The following ARHGEF7 variants were observed in gnomAD, a reference collection of about 807,000 sequenced individuals.
ARHGEF7 encodes the protein PAK-interacting exchange factor beta.
ARHGEF7 carries 33 observed loss-of-function variants against 109.8 expected under a neutral mutation model. The observed-to-expected ratio is 0.30, with a 90% confidence interval of 0.23 to 0.40. The LOEUF (loss-of-function observed/expected upper bound fraction) is 0.40. ARHGEF7 is among the 10% of genes least tolerant of loss of function. The pLI is 1.00. For synonymous variants in ARHGEF7, 458 were observed against 424.6 expected (o/e 1.08, Z -0.97); for missense variants, 938 against 1,098.5 (o/e 0.85, Z 2.07).
At chr13:111,187,059 A>G (rs1226038519) in intron 2 of ARHGEF7, 24 of 977,628 alleles carry the variant, frequency 2.5e-5, no homozygotes, top group Non-Finnish European at 2.2e-5. Context: ...GTGGTGTGAA[A>G]GCAGTTGGGC....
In ARHGEF7 at chr13:111,115,472, G is replaced by A; in HGVS notation, c.-55G>A. ...GGCGGCGGGGGCCGCGGGCCGGGCCGCCGCTCCGAGGTGAAGGCGCGCGCC... is the reference window on the plus strand; with the variant it reads ...GGCGGCGGGGGCCGCGGGCCGGGCCACCGCTCCGAGGTGAAGGCGCGCGCC... On this transcript the variant is annotated 5_prime_UTR_variant, in exon 1 of 22. Transcript: ENST00000646102. The A allele has an allele frequency of 2.9e-6, 3 of 1,039,648 alleles. No homozygotes were observed. Among genetic ancestry groups the A allele is most frequent in the South Asian group, 3.8e-5 (1 of 26,296 alleles). The allele number at this position is 1,039,648 out of a possible 1,614,324, so 64.4% of individuals were successfully genotyped here.
At chr13:111,117,268 C>T (rs1369143119) in intron 1 of ARHGEF7, among the ~76,000 whole-genome samples, 1 of 152,218 alleles carries the variant, frequency 6.6e-6, no homozygotes, top group Admixed American at 6.5e-5. Context: ...CTTCAATAAT[C>T]ATTTTCTTTT....
chr13:111,185,826 A>G (rs1421204477), intron 2 of ARHGEF7, among the ~76,000 whole-genome samples: 1 of 152,058 alleles, frequency 6.6e-6, no homozygotes. Context: ...ATCTGCCTGC[A>G]TGACCGCTGT....
At chr13:111,251,895 C>T (rs1644533494) in intron 8 of ARHGEF7, among the ~76,000 whole-genome samples, 1 of 152,128 alleles carries the variant, frequency 6.6e-6, no homozygotes, top group African/African-American at 2.4e-5. Context: ...TTTGTTTTTC[C>T]CCCAGAATGA....
rs905255560 is a variant in ARHGEF7 at position 111,255,211 on chromosome 13, C to T, written c.950+10917C>T. On this transcript the variant is annotated intron_variant, in intron 8 of 21. Coordinates refer to ENST00000646102, the MANE Select transcript of ARHGEF7 (RefSeq NM_001354046.2). This position sits in a 1 kb window ranked among gnomAD's most constrained non-coding sequence, Gnocchi z 4.1. ...TGAAGGCCGGGCTCAGAAGAGGATT[C>T]GGGCTAAGGCGCTGAGTTCCGTTTG... Among the ~76,000 whole-genome samples the T allele has an allele frequency of 2.6e-5, 4 of 152,160 alleles. No homozygotes were observed. The highest frequency in any genetic ancestry group is 5.9e-5 in the Non-Finnish European group (4 of 68,028).
intron 1 of ARHGEF7, chr13:111,116,453 A>C (rs1410637486): frequency 6.6e-6 from 1 of 152,368 alleles, no homozygotes; most frequent in African/African-American, 2.4e-5. Context: ...GTTTGTTTTC[A>C]TCGCCCACAA....
intron 19 of ARHGEF7, chr13:111,293,453 A>G: frequency 1.0e-6 from 1 of 983,594 alleles, no homozygotes; most frequent in South Asian, 4.7e-5. Context: ...AAAAAAAAAA[A>G]ACTCACCCGT....
rs1438264611 is a variant in ARHGEF7, at chr13:111,304,879, T to C, written c.*1766T>C. ...TTTCTTTTTTGGTAAGCTTGAGTTT[T>C]ACAAGTTATTTTTTGGTGATGCGTA... On this transcript the variant is annotated 3_prime_UTR_variant, in exon 22 of 22. Transcript: ENST00000646102. The C allele has an allele frequency of 6.6e-6, 1 of 152,284 alleles. No homozygotes were observed. The highest frequency in any genetic ancestry group is 2.4e-5 in the African/African-American group (1 of 41,476). The allele number at this position is 152,284 out of a possible 1,614,324, so 9.4% of individuals were successfully genotyped here.
intron 2 of ARHGEF7, among the ~76,000 whole-genome samples, chr13:111,202,142 TC>T (rs1404668253): frequency 6.6e-6 from 1 of 152,204 alleles, no homozygotes; most frequent in Admixed American, 6.5e-5. Context: ...AATGGATAGA[TC>T]CTAAAGCGTA....
chr13:111,240,083 G>A (rs1301047169), intron 6 of ARHGEF7, among the ~76,000 whole-genome samples: 1 of 152,256 alleles, frequency 6.6e-6, no homozygotes, highest in Admixed American at 6.5e-5. Flanking sequence ...GAAACAGACC[G>A]ATAGACTTGT....
At chr13:111,280,196 A>G in intron 13 of ARHGEF7, 76 bp from the exon 14 acceptor site, 2 of 1,410,416 alleles carry the variant, frequency 1.4e-6, no homozygotes, top group South Asian at 2.6e-5. Flanking sequence ...ATCATTTAAT[A>G]TTGACTTTAA....
chr13:111,261,613 ATACT>A (rs1337034596), intron 8 of ARHGEF7, among the ~76,000 whole-genome samples: 10 of 152,242 alleles, frequency 6.6e-5, no homozygotes, highest in Non-Finnish European at 8.8e-5. Context: ...CAATCTAAAG[ATACT>A]TACAGAACAT....
chr13:111,286,318 G>A, intron 17 of ARHGEF7, 78 bp downstream of exon 17: 6 of 1,196,782 alleles, frequency 5.0e-6, no homozygotes, highest in South Asian at 1.2e-5. Flanking sequence ...GATAGAGGGA[G>A]GCTTGGTGGC....
intron 1 of ARHGEF7, among the ~76,000 whole-genome samples, chr13:111,135,837 A>G (rs1339618460): frequency 6.6e-6 from 1 of 152,152 alleles, no homozygotes; most frequent in African/African-American, 2.4e-5. Context: ...ACTGTGTTGA[A>G]TAGGAGTGGT....
intron 2 of ARHGEF7, among the ~76,000 whole-genome samples, chr13:111,202,063 T>C (rs928146420): frequency 6.6e-6 from 1 of 152,214 alleles, no homozygotes; most frequent in African/African-American, 2.4e-5. Context: ...GAGTATCGGA[T>C]CATTCTATTG....
In ARHGEF7 at chr13:111,255,614, A is replaced by C. The variant is rs1170375266; in HGVS notation, c.950+11320A>C. ...TTATAACTTCAGTTGTGAAAATGTA[A>C]CTTCGCACTGGCTTTGGAGGGCCCT... On this transcript the variant is annotated intron_variant, in intron 8 of 21. Transcript: ENST00000646102. This position sits in a 1 kb window ranked among gnomAD's most constrained non-coding sequence, Gnocchi z 4.1. Among the ~76,000 whole-genome samples, 1 of 152,196 alleles carries C rather than the reference A, an allele frequency of 6.6e-6. No individual in the cohort carries two copies.
chr13:111,288,525 G>C, intron 18 of ARHGEF7, 82 bp downstream of exon 18: 1 of 1,143,370 alleles, frequency 8.7e-7, no homozygotes, highest in Non-Finnish European at 1.3e-6. Context: ...ACCTGTTGTG[G>C]TAGGCCCCTT....
rs1001559208 is a variant in ARHGEF7, at chr13:111,239,008, G to A, written c.760-4864G>A. Among the ~76,000 whole-genome samples, 13 of 152,176 alleles carry A rather than the reference G, an allele frequency of 8.5e-5. No individual in the cohort carries two copies. The highest frequency in any genetic ancestry group is 2.7e-4 in the African/African-American group (11 of 41,440). On this transcript the variant is annotated intron_variant, in intron 6 of 21. Coordinates refer to ENST00000646102, the MANE Select transcript of ARHGEF7 (RefSeq NM_001354046.2). The surrounding 1 kb of genome is among the most constrained non-coding windows in gnomAD (Gnocchi z 4.3). ...GTCATGGCGGAAGGCACCTCTTCACGAAGCAGTGGGAGAGAGAATGAGTGC... is the reference window on the plus strand; with the variant it reads ...GTCATGGCGGAAGGCACCTCTTCACAAAGCAGTGGGAGAGAGAATGAGTGC...
intron 2 of ARHGEF7, among the ~76,000 whole-genome samples, chr13:111,173,989 C>T (rs139160500): frequency 4.3e-4 from 65 of 152,222 alleles, no homozygotes; most frequent in Admixed American, 7.2e-4. Context: ...TTGTGATCTC[C>T]GATTGGTATT....
Sources: gnomAD v4.1 joint callset for allele counts (sites outside exome capture counted in the v4.1 genomes callset) on GRCh38, gnomAD v4.1.1 for gene constraint, Gnocchi (gnomAD v3.1) non-coding constraint, MANE v1.5 for transcripts, NCBI Gene and HGNC (gene_info 2026-07-23, HGNC 2026-07-21) for gene names.